The following CCDC171 variants were observed in gnomAD, a reference collection of about 807,000 sequenced individuals.
The protein encoded by CCDC171 is coiled-coil domain-containing protein 171.
In CCDC171, 177 loss-of-function variants were observed where a neutral mutation model predicts 168.2. The ratio of observed to expected loss-of-function variants is 1.05; its 90% CI spans 0.93 to 1.19. The LOEUF is 1.19. CCDC171 is among the 50% of genes most tolerant of loss of function. The probability of loss-of-function intolerance (pLI) is 0.00; values close to 1 mark genes in which losing one functional copy is unlikely to be tolerated. For missense variants in CCDC171, 1,991 were observed against 1,539.0 expected (o/e 1.29, Z -4.91); for synonymous variants, 687 against 540.8 (o/e 1.27, Z -3.75).
intron 21 of CCDC171, among the ~76,000 whole-genome samples, chr9:15,822,551 AGAC>A (rs933315188): frequency 2.0e-5 from 3 of 152,216 alleles, no homozygotes; most frequent in Admixed American, 2.0e-4. Flanking sequence ...TCTCAAAAGA[AGAC>A]ATTTATGCAG....
chr9:15,640,862 A>G (rs1480797224), intron 7 of CCDC171, among the ~76,000 whole-genome samples: 2 of 152,148 alleles, frequency 1.3e-5, no homozygotes, highest in Admixed American at 1.3e-4. Flanking sequence ...TTTGGTAATA[A>G]AAATCCTTTG....
intron 3 of CCDC171, among the ~76,000 whole-genome samples, chr9:15,989,573 TG>T (rs1391404163): frequency 6.6e-5 from 10 of 152,098 alleles, no homozygotes; most frequent in Non-Finnish European, 1.3e-4. Context: ...CAAAACTGGA[TG>T]GAGAATGACT....
At chr9:15,838,239 A>G (rs903794469) in intron 21 of CCDC171, among the ~76,000 whole-genome samples, 1 of 152,202 alleles carries the variant, frequency 6.6e-6, no homozygotes, top group African/African-American at 2.4e-5. Flanking sequence ...AAGGAAAACT[A>G]TTATAAGCCA....
chr9:15,946,524 T>C (rs1828406618), intron 25 of CCDC171, among the ~76,000 whole-genome samples: 1 of 151,904 alleles, frequency 6.6e-6, no homozygotes, highest in South Asian at 2.1e-4. Flanking sequence ...TAAAACAGGA[T>C]ACAAACAAAT....
intron 21 of CCDC171, among the ~76,000 whole-genome samples, chr9:15,804,271 A>T (rs950459357): frequency 6.6e-6 from 1 of 151,994 alleles, no homozygotes; most frequent in Non-Finnish European, 1.5e-5. Flanking sequence ...TACTATGTTG[A>T]ATAGGAGTGG....
intron 9 of CCDC171, among the ~76,000 whole-genome samples, chr9:15,669,353 AGTT>A (rs1166143058): frequency 6.6e-6 from 1 of 152,170 alleles, no homozygotes; most frequent in Non-Finnish European, 1.5e-5. Flanking sequence ...GGTAAATAAT[AGTT>A]GTACATATTT....
intron 18 of CCDC171, among the ~76,000 whole-genome samples, chr9:15,769,237 T>C (rs1052761860): frequency 6.6e-6 from 1 of 152,204 alleles, no homozygotes; most frequent in Non-Finnish European, 1.5e-5. Context: ...TGATAGTATA[T>C]TGTCATTCTC....
intron 21 of CCDC171, among the ~76,000 whole-genome samples, chr9:15,841,185 T>A (rs1354554599): frequency 6.6e-6 from 1 of 152,198 alleles, no homozygotes; most frequent in African/African-American, 2.4e-5. Context: ...AAGTAACGTA[T>A]TTTACACTCT....
At chr9:15,842,938 G>GA (rs1477388075) in intron 21 of CCDC171, among the ~76,000 whole-genome samples, 2 of 151,684 alleles carry the variant, frequency 1.3e-5, no homozygotes, top group Non-Finnish European at 2.9e-5. Flanking sequence ...AAAATACATT[G>GA]AAAAAATGTG....
chr9:15,975,071 T>C (rs10756730), downstream of CCDC171, among the ~76,000 whole-genome samples: 52,921 of 152,040 alleles, frequency 0.35, 11,525 homozygotes, highest in East Asian at 0.62. Context: ...GCCCTCACTG[T>C]GCACTTTTTA....
At chr9:16,090,990 G>C in the CCDC171 span, among the ~76,000 whole-genome samples, 1 of 152,142 alleles carries the variant, frequency 6.6e-6, no homozygotes, top group African/African-American at 2.4e-5. Flanking sequence ...TTGTTCTGCA[G>C]TTCTCTTTTC....
chr9:15,934,710 T>C (rs1467205703), intron 25 of CCDC171, among the ~76,000 whole-genome samples: 1 of 152,082 alleles, frequency 6.6e-6, no homozygotes, highest in Non-Finnish European at 1.5e-5. Context: ...TATACAAATG[T>C]CTATAGCAGC....
chr9:15,943,220 G>C (rs1312967568), intron 25 of CCDC171, among the ~76,000 whole-genome samples: 5 of 151,996 alleles, frequency 3.3e-5, no homozygotes, highest in African/African-American at 4.8e-5. Context: ...TGGTGGCAGT[G>C]TGGTATTTTC....
intron 20 of CCDC171, among the ~76,000 whole-genome samples, chr9:15,782,874 G>A (rs1392500376): frequency 1.3e-5 from 2 of 152,256 alleles, no homozygotes; most frequent in African/African-American, 4.8e-5. Flanking sequence ...CACTATGCAA[G>A]TATCAGTGAC....
At chr9:15,745,652 T>A in intron 18 of CCDC171, 21 bp downstream of exon 18, 2 of 1,408,840 alleles carry the variant, frequency 1.4e-6, no homozygotes, top group Non-Finnish European at 1.9e-6. Flanking sequence ...TTCTTTTATG[T>A]CCTTGCAAAA....
At chr9:16,014,009 G>A (rs1246921590) in intron 3 of CCDC171, among the ~76,000 whole-genome samples, 1 of 152,166 alleles carries the variant, frequency 6.6e-6, no homozygotes, top group Non-Finnish European at 1.5e-5. Context: ...AGACAACGAG[G>A]TTTGCCACAA....
At chr9:16,062,801 C>A (rs897844665), downstream of CCDC171, among the ~76,000 whole-genome samples, 6 of 152,044 alleles carry the variant, frequency 3.9e-5, no homozygotes, top group African/African-American at 1.2e-4. Context: ...TCTGGGGGAC[C>A]CCGGTGAGGG....
At chr9:16,104,826 T>C in the CCDC171 span, among the ~76,000 whole-genome samples, 1 of 151,854 alleles carries the variant, frequency 6.6e-6, no homozygotes, top group African/African-American at 2.4e-5. Flanking sequence ...TGACCAAATA[T>C]AGATGTGGGC....
intron 7 of CCDC171, among the ~76,000 whole-genome samples, chr9:15,624,805 T>C (rs1234428102): frequency 1.3e-5 from 2 of 152,220 alleles, no homozygotes; most frequent in East Asian, 3.8e-4. Flanking sequence ...CAGCATGATT[T>C]ATAATCCTTT....
Sources: gnomAD v4.1 joint callset for allele counts (sites outside exome capture counted in the v4.1 genomes callset) on GRCh38, gnomAD v4.1.1 for gene constraint, MANE v1.5 for transcripts, NCBI Gene and HGNC (gene_info 2026-07-23, HGNC 2026-07-21) for gene names.